KLB: variants seen among roughly 807,000 people sequenced by gnomAD.
KLB encodes klotho beta, also known as beta-klotho.
In KLB, 44 loss-of-function variants were observed where a neutral mutation model predicts 88.4. The ratio of observed to expected loss-of-function variants is 0.50; its 90% CI spans 0.39 to 0.64. KLB has a LOEUF of 0.64. Ranked by LOEUF, KLB falls within the 30% of genes least tolerant of loss-of-function variation. KLB has a pLI of 0.00. For synonymous variants in KLB, 548 were observed against 513.4 expected, an observed-to-expected ratio of 1.07 and a Z score of -0.91; for missense variants, 1,137 against 1,304.8, an observed-to-expected ratio of 0.87 and a Z score of 1.98.
chr4:39,438,219 T>C (rs1350843832), intron 3 of KLB, among the ~76,000 whole-genome samples: 1 of 152,076 alleles, frequency 6.6e-6, no homozygotes, highest in Non-Finnish European at 1.5e-5. Context: ...GATGGAGAGG[T>C]GAAGAGGCTG....
chr4:39,425,897 T>C (rs908059354), intron 1 of KLB, among the ~76,000 whole-genome samples: 15 of 148,564 alleles, frequency 1.0e-4, no homozygotes, highest in Non-Finnish European at 1.0e-4. Flanking sequence ...GCGGGCGGAT[T>C]ACTTGAGGTC....
rs770520766 is a variant in KLB at position 39,434,429 on chromosome 4, T to C, written c.1045T>C (p.Phe349Leu). The change falls in exon 2 of 5, where the codon TTC (phenylalanine) becomes CTC (leucine). Residue 349 changes from phenylalanine (F) to leucine (L), a missense_variant. Transcript: ENST00000257408. ...TCCAGAGGGGATGAGAAAGAAGTTG[T>C]TCTCCGTTCTACCCATTTTCTCTGA... ...DYPEGMRKKL[F>L]SVLPIFSEAE... 1 of 1,614,232 alleles carries C rather than the reference T, an allele frequency of 6.2e-7. No individual in the cohort carries two copies. The highest frequency in any genetic ancestry group is 1.7e-5 in the Admixed American group (1 of 60,018).
Position 39,434,530 on chromosome 4 carries a change from A to C in KLB, c.1146A>C (p.Leu382=). Residue 382 remains leucine (L), a synonymous_variant, in exon 2 of 5, where the codon CTA becomes CTC. Coordinates refer to ENST00000257408, the MANE Select transcript of KLB (RefSeq NM_175737.4). ...FSFGPNNFKP[L]NTMAKMGQNV... The stretch of plus-strand genomic sequence containing the variant: ...TTGGACCCAACAACTTCAAGCCCCT[A>C]AACACCATGGCTAAAATGGGACAAA... 6.2e-7 allele frequency: 1 copy of C among 1,614,168 alleles called. No homozygotes were observed. The highest frequency in any genetic ancestry group is 8.5e-7 in the Non-Finnish European group (1 of 1,180,006).
In KLB at chr4:39,448,559, G is replaced by A; in HGVS notation, c.3008G>A (p.Cys1003Tyr). 2 of 1,614,176 alleles carry A rather than the reference G, an allele frequency of 1.2e-6. No individual in the cohort carries two copies. The highest frequency in any genetic ancestry group is 1.7e-6 in the Non-Finnish European group (2 of 1,180,034). The change falls in exon 5 of 5, where the codon TGC becomes TAC. Residue 1003 changes from cysteine to tyrosine, a missense_variant. This residue lies in a region of KLB where 426 missense variants were observed against 404.6 expected (regional missense o/e 1.05). Coordinates refer to ENST00000257408, the MANE Select transcript of KLB (RefSeq NM_175737.4). The stretch of plus-strand genomic sequence containing the variant: ...AAACCACTGATATTCCTGGGTTGTT[G>A]CTTCTTCTCCACCCTGGTTCTACTC... ...QKKPLIFLGCCFFSTLVLLLS... is the reference protein window; with the variant it reads ...QKKPLIFLGCYFFSTLVLLLS...
Position 39,407,176 on chromosome 4 carries a change from TTCTC to T in KLB, c.229_232del (p.Leu77MetfsTer67). On this transcript the variant is annotated frameshift_variant, in exon 1 of 5. Coordinates refer to ENST00000257408, the MANE Select transcript of KLB (RefSeq NM_175737.4). LOFTEE classifies it high-confidence loss of function. ...ACTCCGGTAAATGAAAGTCAGCTGT[TTCTC>T]TATGACACTTTCCCTAAAAACTTTT... 4 of 1,614,124 alleles carry T rather than the reference TTCTC, an allele frequency of 2.5e-6. No individual in the cohort carries two copies. Among genetic ancestry groups the T allele is most frequent in the Non-Finnish European group, 3.4e-6 (4 of 1,179,980 alleles).
At chr4:39,434,841 C>T (rs894889298) in intron 2 of KLB, 121 bp downstream of exon 2, 10 of 791,606 alleles carry the variant, frequency 1.3e-5, no homozygotes, top group East Asian at 2.7e-5. Context: ...GAGTTTCTCG[C>T]TGTCTCCCAG....
intron 1 of KLB, among the ~76,000 whole-genome samples, chr4:39,429,326 A>T (rs1026079279): frequency 6.6e-6 from 1 of 152,186 alleles, no homozygotes; most frequent in Non-Finnish European, 1.5e-5. Context: ...GTGTCCTGTC[A>T]TGTCTTCCTC....
At chr4:39,440,042 G>A (rs1211311368) in intron 3 of KLB, among the ~76,000 whole-genome samples, 1 of 151,508 alleles carries the variant, frequency 6.6e-6, no homozygotes, top group Admixed American at 6.6e-5. Flanking sequence ...GACCTCAGGT[G>A]ATCGACCCGC....
chr4:39,427,452 C>T (rs1743243364), intron 1 of KLB, among the ~76,000 whole-genome samples: 2 of 144,418 alleles, frequency 1.4e-5, no homozygotes. Context: ...CACTGCACTC[C>T]AGCCTGGGTG....
intron 2 of KLB, among the ~76,000 whole-genome samples, chr4:39,436,812 C>T (rs1045093284): frequency 2.0e-5 from 3 of 151,948 alleles, no homozygotes; most frequent in Admixed American, 6.6e-5. Flanking sequence ...TGTGTTCAAG[C>T]GATTCTCCTG....
At position 39,449,232 on chromosome 4, in the gene KLB, G is replaced by A. The variant is rs530763166; in HGVS notation, c.*546G>A. 8 of 151,694 alleles carry A rather than the reference G, an allele frequency of 5.3e-5. No individual in the cohort carries two copies. Among genetic ancestry groups the A allele is most frequent in the African/African-American group, 1.9e-4 (8 of 41,286 alleles). 9.4% of individuals were successfully genotyped at this position (151,694 alleles called of 1,614,324 possible). ...AATCCCAGCTACTTGGGAGGCTGAG[G>A]CAGAAGTTTGAACCCAGGAAACAGG... On this transcript the variant is annotated 3_prime_UTR_variant, in exon 5 of 5. Transcript: ENST00000257408.
intron 1 of KLB, among the ~76,000 whole-genome samples, chr4:39,415,182 A>G (rs1742941627): frequency 6.6e-6 from 1 of 152,012 alleles, no homozygotes; most frequent in Admixed American, 6.6e-5. Context: ...CAAAGTGTTG[A>G]GATTACAGGC....
intron 1 of KLB, among the ~76,000 whole-genome samples, chr4:39,429,962 G>C (rs985965729): frequency 6.6e-6 from 1 of 152,132 alleles, no homozygotes; most frequent in Non-Finnish European, 1.5e-5. Context: ...TAGGCAAATA[G>C]CAGCAAAGGT....
At chr4:39,437,674 T>C (rs780949656) in intron 2 of KLB, 53 bp from the exon 3 acceptor site, 9 of 1,530,286 alleles carry the variant, frequency 5.9e-6, no homozygotes, top group Non-Finnish European at 6.2e-6. Flanking sequence ...ATTGTAAACA[T>C]GAACTAGAAT....
chr4:39,448,464 C>CAGTAGTTCT lies in KLB; in HGVS notation c.2916_2924dup (p.Ser972_Ser974dup), dbSNP rs1297864791. ...GCAGCAGGGGCTTCCCTTTTGAGAA[C>CAGTAGTTCT]AGTAGTTCTAGATGCAGTCAGACCC... is the stretch of plus-strand genomic sequence containing the variant. On this transcript the variant is annotated inframe_insertion, in exon 5 of 5. Coordinates refer to ENST00000257408, the MANE Select transcript of KLB (RefSeq NM_175737.4). The CAGTAGTTCT allele has an allele frequency of 6.2e-7, 1 of 1,613,976 alleles. No homozygotes were observed. Among genetic ancestry groups the CAGTAGTTCT allele is most frequent in the Non-Finnish European group, 8.5e-7 (1 of 1,179,968 alleles).
At position 39,434,293 on chromosome 4, in the gene KLB, T is replaced by C; in HGVS notation, c.909T>C (p.His303=). 1.9e-6 allele frequency: 3 copies of C among 1,614,208 alleles called. No homozygotes were observed. Among genetic ancestry groups the C allele is most frequent in the Non-Finnish European group, 1.7e-6 (2 of 1,180,022 alleles). ...KGWLSITLGS[H]WIEPNRSENT... is the part of the protein sequence containing the mutation. Reference sequence around the variant, plus strand: ...GGTTATCGATCACGTTGGGATCTCATTGGATCGAGCCAAACCGGTCGGAAA... The same window carrying C: ...GGTTATCGATCACGTTGGGATCTCACTGGATCGAGCCAAACCGGTCGGAAA... Residue 303 remains histidine (H), a synonymous_variant, in exon 2 of 5, where the codon CAT becomes CAC. Coordinates refer to ENST00000257408, the MANE Select transcript of KLB (RefSeq NM_175737.4).
In KLB at chr4:39,406,981, G is replaced by A. The variant is rs1303080646; in HGVS notation, c.32G>A (p.Gly11Glu). Residue 11 changes from glycine (G) to glutamate (E), a missense_variant, in exon 1 of 5, where the codon GGG (glycine) becomes GAG (glutamate). This residue lies in a region of KLB where 111 missense variants were observed against 118.3 expected (regional missense o/e 0.94). Transcript: ENST00000257408. MKPGCAAGSP[G>E]NEWIFFSTDE... The stretch of plus-strand genomic sequence containing the variant: ...CCAGGCTGTGCGGCAGGATCTCCAG[G>A]GAATGAATGGATTTTCTTCAGCACT... The A allele has an allele frequency of 1.2e-6, 2 of 1,612,406 alleles. No individual in the cohort carries two copies. The highest frequency in any genetic ancestry group is 1.1e-5 in the South Asian group (1 of 91,002).
chr4:39,442,846 G>A (rs1743643784), intron 3 of KLB, among the ~76,000 whole-genome samples: 1 of 152,068 alleles, frequency 6.6e-6, no homozygotes, highest in African/African-American at 2.4e-5. Flanking sequence ...TGATTCCCAG[G>A]AAATTTAACA....
chr4:39,436,035 C>T (rs1743464321), intron 2 of KLB, among the ~76,000 whole-genome samples: 1 of 152,088 alleles, frequency 6.6e-6, no homozygotes, highest in African/African-American at 2.4e-5. Flanking sequence ...GACTTTTGGC[C>T]CCCACTTAGC....
Sources: gnomAD v4.1 joint callset for allele counts (sites outside exome capture counted in the v4.1 genomes callset) on GRCh38, gnomAD v4.1.1 for gene constraint, gnomAD v4.1.1 regional missense constraint, MANE v1.5 for transcripts, NCBI Gene and HGNC (gene_info 2026-07-23, HGNC 2026-07-21) for gene names.